Variants in DTNA observed in about 807,000 individuals in gnomAD.
DTNA encodes dystrobrevin alpha.
DTNA carries 43 observed loss-of-function variants against 100.7 expected under a neutral mutation model. The observed-to-expected ratio is 0.43, with a 90% CI of 0.33 to 0.55. The LOEUF (loss-of-function observed/expected upper bound fraction) is 0.55, where lower values mean the gene tolerates loss of function less well. DTNA is among the 20% of genes least tolerant of loss of function. The pLI is 0.04. For missense variants in DTNA, 798 were observed against 953.9 expected (o/e 0.84, Z 2.15); for synonymous variants, 349 against 347.9 (o/e 1.00, Z -0.04).
chr18:34,537,632 A>C (rs1009442591), intron 1 of DTNA, among the ~76,000 whole-genome samples: 2 of 152,016 alleles, frequency 1.3e-5, no homozygotes, highest in African/African-American at 4.8e-5. Flanking sequence ...AAATGTGATA[A>C]ATGCAGCAAA....
intron 1 of DTNA, among the ~76,000 whole-genome samples, chr18:34,748,893 C>A (rs1448857071): frequency 6.6e-6 from 1 of 152,044 alleles, no homozygotes; most frequent in African/African-American, 2.4e-5. Flanking sequence ...TTTCTTTGGG[C>A]ACAATGGTCA....
chr18:34,504,600 CT>C (rs2040302795), intron 1 of DTNA, among the ~76,000 whole-genome samples: 1 of 152,174 alleles, frequency 6.6e-6, no homozygotes, highest in Non-Finnish European at 1.5e-5. Context: ...AGGATTTTCA[CT>C]GGACATAAGA....
chr18:34,851,433 A>C (rs1251035381), intron 14 of DTNA, among the ~76,000 whole-genome samples: 1 of 152,200 alleles, frequency 6.6e-6, no homozygotes, highest in Non-Finnish European at 1.5e-5. Flanking sequence ...ACATTACAGT[A>C]ATTGAACGGT....
chr18:34,682,673 C>T (rs996122482), intron 1 of DTNA, among the ~76,000 whole-genome samples: 46 of 151,998 alleles, frequency 3.0e-4, no homozygotes, highest in Admixed American at 3.3e-4. Flanking sequence ...GTGTCTGTTC[C>T]GATCTTTGGC....
intron 1 of DTNA, among the ~76,000 whole-genome samples, chr18:34,567,062 C>G (rs1422432824): frequency 6.6e-6 from 1 of 152,120 alleles, no homozygotes; most frequent in East Asian, 1.9e-4. Flanking sequence ...CTTTTCAATT[C>G]CATGTTAAGG....
intron 1 of DTNA, among the ~76,000 whole-genome samples, chr18:34,571,039 G>A (rs1406516914): frequency 1.3e-5 from 2 of 152,158 alleles, no homozygotes; most frequent in African/African-American, 4.8e-5. Context: ...AAGGTATATA[G>A]TGTTACATTC....
At chr18:34,856,787 C>G (rs1337725654) in intron 15 of DTNA, among the ~76,000 whole-genome samples, 2 of 152,224 alleles carry the variant, frequency 1.3e-5, no homozygotes, top group African/African-American at 4.8e-5. Flanking sequence ...TTCCCAGGTA[C>G]AGACTGACTA....
chr18:34,743,534 A>G (rs1303074851), intron 1 of DTNA, among the ~76,000 whole-genome samples: 16 of 152,174 alleles, frequency 1.1e-4, no homozygotes, highest in Admixed American at 9.8e-4. Context: ...TTAGCTATGA[A>G]TTAATCTCTA....
At chr18:34,666,449 G>C (rs529436715) in intron 1 of DTNA, among the ~76,000 whole-genome samples, 8 of 151,664 alleles carry the variant, frequency 5.3e-5, no homozygotes, top group Non-Finnish European at 1.2e-4. Flanking sequence ...GTCAATTTTG[G>C]CTTTTGTTGC....
intron 2 of DTNA, among the ~76,000 whole-genome samples, chr18:34,761,993 A>T (rs2093202992): frequency 6.6e-6 from 1 of 152,210 alleles, no homozygotes; most frequent in Non-Finnish European, 1.5e-5. Flanking sequence ...AAGAAAAAGT[A>T]TAGATTCTTT....
intron 1 of DTNA, among the ~76,000 whole-genome samples, chr18:34,731,868 A>G (rs2088329057): frequency 6.6e-6 from 1 of 152,168 alleles, no homozygotes; most frequent in African/African-American, 2.4e-5. Flanking sequence ...TTACAGTTTT[A>G]ACTTTATAGG....
intron 1 of DTNA, among the ~76,000 whole-genome samples, chr18:34,647,339 C>T (rs1338446549): frequency 6.6e-6 from 1 of 152,178 alleles, no homozygotes; most frequent in Non-Finnish European, 1.5e-5. Context: ...AGGCCCATTT[C>T]ATCTCAAAGC....
At chr18:34,625,880 G>C (rs2147979614) in intron 1 of DTNA, among the ~76,000 whole-genome samples, 1 of 152,286 alleles carries the variant, frequency 6.6e-6, no homozygotes, top group Admixed American at 6.5e-5. Context: ...CCTGTTCCAT[G>C]AACCTCAGAG....
chr18:34,602,723 A>G (rs966356028), intron 1 of DTNA, among the ~76,000 whole-genome samples: 1 of 151,886 alleles, frequency 6.6e-6, no homozygotes, highest in African/African-American at 2.4e-5. Flanking sequence ...AAACAAACAA[A>G]AAAAGAGGCC....
rs116901957 is a variant in DTNA at position 34,749,072 on chromosome 18, T to C, written c.-1-6904T>C. ...TTTATTTTGTTTTATTTTATTTTAT[T>C]TGCAGCTGTTGTAAGAGGGATTGAG... On this transcript the variant is annotated intron_variant, in intron 1 of 22. Transcript: ENST00000444659. Among the ~76,000 whole-genome samples, 191 of 152,276 alleles carry C rather than the reference T, an allele frequency of 1.3e-3. 5 individuals are homozygous for C. In the East Asian group the frequency reaches 0.034, roughly 27 times the overall value.
intron 1 of DTNA, among the ~76,000 whole-genome samples, chr18:34,715,486 A>T (rs761946898): frequency 6.7e-6 from 1 of 149,152 alleles, no homozygotes; most frequent in African/African-American, 2.5e-5. Flanking sequence ...TTTTTTAATT[A>T]TTTATTTTAA....
chr18:34,591,666 T>C (rs1598792248), intron 1 of DTNA, among the ~76,000 whole-genome samples: 2 of 152,192 alleles, frequency 1.3e-5, no homozygotes, highest in East Asian at 3.8e-4. Flanking sequence ...CATTTATTTG[T>C]GAAGTCATTA....
At chr18:34,595,061 G>A (rs6507096) in intron 1 of DTNA, among the ~76,000 whole-genome samples, 41,708 of 152,196 alleles carry the variant, frequency 0.27, 8,843 homozygotes, top group African/African-American at 0.6. Flanking sequence ...TAGGTTGCAA[G>A]CAATTGCAAT....
In DTNA at chr18:34,848,291, A is replaced by G. The variant is rs1326664699; in HGVS notation, c.1347-5A>G. The G allele has an allele frequency of 6.2e-7, 1 of 1,613,872 alleles. No individual in the cohort carries two copies. The stretch of plus-strand genomic sequence containing the variant: ...ACGGTCTCCTTCTTGCTTTGTTCTT[A>G]ATAGCATGCTTGAGAGTTCAAACCG... On this transcript the variant is annotated splice_region_variant and splice_polypyrimidine_tract_variant and intron_variant, in intron 13 of 22. Coordinates refer to ENST00000444659, the MANE Select transcript of DTNA (RefSeq NM_001386795.1).
Sources: allele counts gnomAD v4.1 joint callset (sites outside exome capture counted in the v4.1 genomes callset), GRCh38; gene constraint gnomAD v4.1.1; transcripts MANE v1.5; gene names NCBI Gene and HGNC (gene_info 2026-07-23, HGNC 2026-07-21).